MBNL2: variants seen among roughly 807,000 people sequenced by gnomAD.
The protein encoded by MBNL2 is muscleblind-like protein 2.
A neutral mutation model predicts 41.9 loss-of-function variants in MBNL2; 17 were observed. That is an observed-to-expected ratio of 0.41 (90% CI 0.28 to 0.61). The LOEUF is 0.61. Among genes scored for constraint, MBNL2 ranks in the 20% least tolerant of loss-of-function variants. The pLI, the probability that MBNL2 is intolerant of heterozygous loss-of-function variation, is 0.35. For synonymous variants in MBNL2, 195 were observed against 182.9 expected, an observed-to-expected ratio of 1.07 and a Z score of -0.53; for missense variants, 336 against 505.6, an observed-to-expected ratio of 0.66 and a Z score of 3.22.
chr13:97,186,159 G>A, the MBNL2 span, among the ~76,000 whole-genome samples: 1 of 152,212 alleles, frequency 6.6e-6, no homozygotes, highest in Non-Finnish European at 1.5e-5. Context: ...GAGGTGAGAC[G>A]ACGGTTTCCA....
chr13:97,174,879 A>G, the MBNL2 span, among the ~76,000 whole-genome samples: 1 of 152,130 alleles, frequency 6.6e-6, no homozygotes, highest in South Asian at 2.1e-4. Context: ...CCACAAACTG[A>G]TGATGGCATC....
intron 2 of MBNL2, among the ~76,000 whole-genome samples, chr13:97,279,283 A>G (rs2152936426): frequency 6.6e-6 from 1 of 152,314 alleles, no homozygotes; most frequent in South Asian, 2.1e-4. Context: ...GGCAAGCTTC[A>G]TTACTTGGGA....
the MBNL2 span, among the ~76,000 whole-genome samples, chr13:97,184,686 T>C: frequency 6.6e-6 from 1 of 152,216 alleles, no homozygotes; most frequent in Non-Finnish European, 1.5e-5. Flanking sequence ...TTTTGCCATC[T>C]TGGCCAGGCT....
At chr13:97,199,156 C>T in the MBNL2 span, among the ~76,000 whole-genome samples, 1 of 152,138 alleles carries the variant, frequency 6.6e-6, no homozygotes, top group African/African-American at 2.4e-5. Context: ...CTGGCCTTTG[C>T]ATTTGCCATT....
chr13:97,342,777 G>A (rs1185365434), intron 3 of MBNL2, among the ~76,000 whole-genome samples: 1 of 152,152 alleles, frequency 6.6e-6, no homozygotes. Context: ...CTTTCATAGG[G>A]ACAAAAGCTT....
chr13:97,183,748 G>T, the MBNL2 span, among the ~76,000 whole-genome samples: 2 of 152,176 alleles, frequency 1.3e-5, no homozygotes, highest in African/African-American at 4.8e-5. Flanking sequence ...TTGCCTAGGT[G>T]GATGGTGGGA....
At chr13:97,344,220 A>G (rs746146684) in intron 4 of MBNL2, among the ~76,000 whole-genome samples, 2 of 152,220 alleles carry the variant, frequency 1.3e-5, no homozygotes, top group Admixed American at 1.3e-4. Context: ...AATCAAACCA[A>G]ACCTCCTGTA....
rs142380516 is a variant in MBNL2 at position 97,386,101 on chromosome 13, C to T, written c.1049-5221C>T. On this transcript the variant is annotated intron_variant, in intron 8 of 8. Transcript: ENST00000679496. ...TAGGTAGAGGGTGCCTTGTTGGTCA[C>T]ATACTCTCTTTCTTTGGGCGAAAGC... Among the ~76,000 whole-genome samples the T allele has an allele frequency of 1.7e-3, 264 of 152,294 alleles. 1 individual carries two copies. The highest frequency in any genetic ancestry group is 5.9e-3 in the African/African-American group (244 of 41,544).
In MBNL2 at chr13:97,334,148, C is replaced by CCACACACACACACACACA. The variant is rs34820289; in HGVS notation, c.175-117_175-100dup. 6.4e-4 allele frequency: 350 copies of CCACACACACACACACACA among 547,404 alleles called. No homozygotes were observed. The highest frequency in any genetic ancestry group is 5.2e-3 in the African/African-American group (258 of 49,658). The allele number at this position is 547,404 out of a possible 1,614,324, so 33.9% of individuals were successfully genotyped here. ...AACACATGAGCATGCGCGCGCACAC[C>CCACACACACACACACACA]CACACACACACACACACACACACAC... On this transcript the variant is annotated intron_variant, in intron 2 of 8. Coordinates refer to ENST00000679496, the MANE Select transcript of MBNL2 (RefSeq NM_001382683.1). This position sits in a 1 kb window ranked among gnomAD's most constrained non-coding sequence, Gnocchi z 5.3.
intron 7 of MBNL2, among the ~76,000 whole-genome samples, chr13:97,361,854 C>G (rs769749649): frequency 2.0e-5 from 3 of 149,828 alleles, no homozygotes; most frequent in Non-Finnish European, 3.0e-5. Context: ...ACTGCAACCT[C>G]CGCCTCCCGG....
chr13:97,186,518 C>T, the MBNL2 span, among the ~76,000 whole-genome samples: 27 of 152,156 alleles, frequency 1.8e-4, no homozygotes, highest in South Asian at 1.0e-3. Flanking sequence ...TATAATTGAG[C>T]TACCATTATC....
chr13:97,384,668 G>T (rs769364609), intron 8 of MBNL2, among the ~76,000 whole-genome samples: 6 of 152,202 alleles, frequency 3.9e-5, no homozygotes, highest in Non-Finnish European at 2.9e-5. Flanking sequence ...AGCAACGTGC[G>T]AGCCTCCTTA....
chr13:97,204,378 G>T, the MBNL2 span, among the ~76,000 whole-genome samples: 3 of 152,282 alleles, frequency 2.0e-5, no homozygotes, highest in East Asian at 3.9e-4. Flanking sequence ...TTAGAAAAAG[G>T]CTTATCTAAA....
intron 3 of MBNL2, among the ~76,000 whole-genome samples, chr13:97,340,880 G>A (rs2061391781): frequency 1.3e-5 from 2 of 152,194 alleles, no homozygotes; most frequent in South Asian, 4.1e-4. Flanking sequence ...TAGATTTGTC[G>A]ATATCCAAAA....
At chr13:97,162,594 T>G in the MBNL2 span, among the ~76,000 whole-genome samples, 1 of 152,202 alleles carries the variant, frequency 6.6e-6, no homozygotes, top group Admixed American at 6.5e-5. Context: ...TCTAAAGCCC[T>G]GGGATAGATG....
intron 1 of MBNL2, among the ~76,000 whole-genome samples, chr13:97,258,117 G>A (rs1044840747): frequency 2.0e-5 from 3 of 152,130 alleles, no homozygotes; most frequent in Admixed American, 1.3e-4. Context: ...TAGGATGCAG[G>A]ATTTCATGAG....
intron 2 of MBNL2, among the ~76,000 whole-genome samples, chr13:97,300,785 A>C (rs2057540870): frequency 6.6e-6 from 1 of 152,252 alleles, no homozygotes; most frequent in Middle Eastern, 3.2e-3. Flanking sequence ...TTTGTAAAGA[A>C]GTCAACCAAA....
At chr13:97,149,946 T>A in the MBNL2 span, among the ~76,000 whole-genome samples, 9 of 152,210 alleles carry the variant, frequency 5.9e-5, no homozygotes, top group South Asian at 2.1e-4. Flanking sequence ...AACACCCCCC[T>A]ATATCACACA....
At chr13:97,312,680 G>T (rs2058715535) in intron 2 of MBNL2, among the ~76,000 whole-genome samples, 1 of 152,114 alleles carries the variant, frequency 6.6e-6, no homozygotes, top group South Asian at 2.1e-4. Context: ...ATTCTAAGTA[G>T]CCCACAACTT....
Sources: allele counts gnomAD v4.1 joint callset (sites outside exome capture counted in the v4.1 genomes callset), GRCh38; gene constraint gnomAD v4.1.1; non-coding constraint Gnocchi (gnomAD v3.1); transcripts MANE v1.5; gene names NCBI Gene and HGNC (gene_info 2026-07-23, HGNC 2026-07-21).